DNAI4: variants seen among roughly 807,000 people sequenced by gnomAD.
The protein encoded by DNAI4 is dynein axonemal intermediate chain 4, also known as WD repeat domain 78.
DNAI4 carries 85 observed loss-of-function variants against 105.8 expected under a neutral mutation model. The ratio of observed to expected loss-of-function variants is 0.80; its 90% confidence interval spans 0.67 to 0.96. The LOEUF is 0.96. DNAI4 is among the 40% of genes least tolerant of loss of function. The probability of loss-of-function intolerance (pLI) is 0.00; values close to 1 mark genes in which losing one functional copy is unlikely to be tolerated. For synonymous variants in DNAI4, 352 were observed against 331.5 expected, an observed-to-expected ratio of 1.06 and a Z score of -0.67; for missense variants, 1,014 against 1,005.6, an observed-to-expected ratio of 1.01 and a Z score of -0.11.
intron 2 of DNAI4, among the ~76,000 whole-genome samples, chr1:66,894,501 TA>T (rs1453813788): frequency 6.6e-6 from 1 of 152,182 alleles, no homozygotes; most frequent in African/African-American, 2.4e-5. Flanking sequence ...ATTTTTAACG[TA>T]GTCAATTGTA....
At chr1:66,880,506 T>A (rs548584121) in intron 4 of DNAI4, among the ~76,000 whole-genome samples, 1 of 152,312 alleles carries the variant, frequency 6.6e-6, no homozygotes, top group East Asian at 1.9e-4. Flanking sequence ...ACTCTTGTTT[T>A]AGCAAAAAGA....
chr1:66,835,865 C>T, intron 10 of DNAI4, 88 bp from the exon 11 acceptor site: 1 of 1,215,518 alleles, frequency 8.2e-7, no homozygotes, highest in Non-Finnish European at 1.2e-6. Context: ...AGTTTGGTGG[C>T]AGTGGGTATG....
At chr1:66,902,395 A>G (rs1158051975) in intron 2 of DNAI4, among the ~76,000 whole-genome samples, 3 of 152,050 alleles carry the variant, frequency 2.0e-5, no homozygotes, top group Non-Finnish European at 4.4e-5. Context: ...TTATTTGCCC[A>G]TTCTTTTAAT....
chr1:66,903,633 A>G (rs1649006634), intron 2 of DNAI4, among the ~76,000 whole-genome samples: 1 of 152,192 alleles, frequency 6.6e-6, no homozygotes, highest in South Asian at 2.1e-4. Flanking sequence ...AGCTGGGATT[A>G]CAGGCACCTG....
rs749140367 is a variant in DNAI4 at position 66,873,852 on chromosome 1, CTTTTTTT to C, written c.800+922_800+928del. 2.6e-3 allele frequency among the ~76,000 whole-genome samples: 282 copies of C among 110,198 alleles called. 1 individual carries two copies. Among genetic ancestry groups the C allele is most frequent in the African/African-American group, 8.7e-3 (227 of 25,982 alleles). 72.3% of individuals were successfully genotyped at this position (110,198 alleles called of 152,430 possible). On this transcript the variant is annotated intron_variant, in intron 5 of 16. Coordinates refer to ENST00000371026, the MANE Select transcript of DNAI4 (RefSeq NM_024763.5). ...TGTCCCTTTCTTTTTTCCCTCTTTC[CTTTTTTT>C]TTTTTTTTTTTTTTTTGGTCCTAGG...
chr1:66,882,708 A>T (rs775409864), intron 4 of DNAI4, among the ~76,000 whole-genome samples: 1 of 151,584 alleles, frequency 6.6e-6, no homozygotes, highest in African/African-American at 2.4e-5. Flanking sequence ...CTCTATACTT[A>T]TGCTTGAAAT....
Position 66,830,956 on chromosome 1 carries a change from GAC to G in DNAI4, c.2013+2627_2013+2628del, listed in dbSNP as rs1197116144. Among the ~76,000 whole-genome samples the G allele has an allele frequency of 5.7e-5, 7 of 122,034 alleles. No homozygotes were observed. In the Admixed American group the frequency reaches 7.2e-4, roughly 13 times the overall value. The allele number at this position is 122,034 out of a possible 152,430, so 80.1% of individuals were successfully genotyped here. On this transcript the variant is annotated intron_variant, in intron 13 of 16. Transcript: ENST00000371026. ...CATACCACTGCACTCCAGCCTAGAT[GAC>G]AGAGTGAGACTCTGTCACAAAAAAA...
chr1:66,887,022 A>C (rs1454141716), intron 4 of DNAI4, among the ~76,000 whole-genome samples: 1 of 149,512 alleles, frequency 6.7e-6, no homozygotes, highest in Non-Finnish European at 1.5e-5. Flanking sequence ...CTCCCCTACC[A>C]AGGCCACTAG....
chr1:66,888,012 G>T (rs74225048), intron 4 of DNAI4, among the ~76,000 whole-genome samples: 1 of 151,992 alleles, frequency 6.6e-6, no homozygotes, highest in Admixed American at 6.6e-5. Context: ...AATATCTATT[G>T]TATCTGTATG....
intron 2 of DNAI4, among the ~76,000 whole-genome samples, chr1:66,894,045 A>G (rs1023705151): frequency 2.6e-5 from 4 of 152,216 alleles, no homozygotes; most frequent in African/African-American, 9.6e-5. Flanking sequence ...AATATTTGAT[A>G]ATAATAATAA....
At position 66,833,718 on chromosome 1, in the gene DNAI4, G is replaced by T; in HGVS notation, c.1892-12C>A. ...TAATCGCATCAAATCTGTATTTAAA[G>T]AAAAACATATATAACTTGTTATTTA... On this transcript the variant is annotated splice_polypyrimidine_tract_variant and intron_variant, in intron 12 of 16. Coordinates refer to ENST00000371026, the MANE Select transcript of DNAI4 (RefSeq NM_024763.5). 1 of 1,608,978 alleles carries T rather than the reference G, an allele frequency of 6.2e-7. No homozygotes were observed. The highest frequency in any genetic ancestry group is 8.5e-7 in the Non-Finnish European group (1 of 1,178,232).
chr1:66,848,110 G>A (rs79498460), intron 7 of DNAI4: 76,908 of 431,006 alleles, frequency 0.18, 7,621 homozygotes, highest in Non-Finnish European at 0.21. Flanking sequence ...GTAGATTAGA[G>A]GCCTAACAGA....
chr1:66,856,467 C>T lies in DNAI4; in HGVS notation c.1096+5680G>A, dbSNP rs901808066. 8.6e-5 allele frequency among the ~76,000 whole-genome samples: 13 copies of T among 151,268 alleles called. 1 individual carries two copies. The highest frequency in any genetic ancestry group is 2.7e-4 in the African/African-American group (11 of 41,224). On this transcript the variant is annotated intron_variant, in intron 7 of 16. Coordinates refer to ENST00000371026, the MANE Select transcript of DNAI4 (RefSeq NM_024763.5). ...CAGCCTGGGCGACAGAGCGAGACTC[C>T]GTCTCAAAAAAATAAAATAAAAATA...
At chr1:66,814,287 C>A in intron 16 of DNAI4, 107 bp from the exon 17 acceptor site, 2 of 758,088 alleles carry the variant, frequency 2.6e-6, no homozygotes, top group Non-Finnish European at 4.2e-6. Flanking sequence ...TACACATATC[C>A]AATAAGATTG....
At chr1:66,816,269 T>C (rs1437196972) in intron 16 of DNAI4, among the ~76,000 whole-genome samples, 1 of 152,166 alleles carries the variant, frequency 6.6e-6, no homozygotes, top group Non-Finnish European at 1.5e-5. Context: ...GTATACCTCC[T>C]AATACTGTTC....
At chr1:66,825,977 A>C (rs1299422812) in intron 15 of DNAI4, among the ~76,000 whole-genome samples, 1 of 152,210 alleles carries the variant, frequency 6.6e-6, no homozygotes, top group Non-Finnish European at 1.5e-5. Flanking sequence ...TTTTTATTTC[A>C]ACATTGTATT....
intron 6 of DNAI4, among the ~76,000 whole-genome samples, chr1:66,865,051 G>A (rs974134743): frequency 5.9e-5 from 9 of 152,120 alleles, no homozygotes; most frequent in African/African-American, 2.2e-4. Context: ...TTCTGTTTGC[G>A]GTATATATTT....
chr1:66,886,653 G>C (rs1557958186), intron 4 of DNAI4, among the ~76,000 whole-genome samples: 1 of 152,184 alleles, frequency 6.6e-6, no homozygotes, highest in South Asian at 2.1e-4. Context: ...TTCACTGGTA[G>C]TAAGTGTGGA....
intron 7 of DNAI4, among the ~76,000 whole-genome samples, chr1:66,851,706 CA>C (rs1646400121): frequency 6.6e-6 from 1 of 151,562 alleles, no homozygotes. Flanking sequence ...GAGGAAGTCT[CA>C]AGGGAAATAA....
Sources: gnomAD v4.1 joint callset for allele counts (sites outside exome capture counted in the v4.1 genomes callset) on GRCh38, gnomAD v4.1.1 for gene constraint, MANE v1.5 for transcripts, NCBI Gene and HGNC (gene_info 2026-07-23, HGNC 2026-07-21) for gene names.